The following ATXN1 variants were observed in gnomAD, a reference collection of about 807,000 sequenced individuals.
The protein encoded by ATXN1 is ataxin 1, also known as ataxin-1.
In ATXN1, 8 loss-of-function variants were observed where a neutral mutation model predicts 56.4. That is an observed-to-expected ratio of 0.14 (90% CI 0.08 to 0.26). ATXN1 has a LOEUF of 0.26. Among genes scored for constraint, ATXN1 ranks in the 10% least tolerant of loss-of-function variants. The probability of loss-of-function intolerance (pLI) is 1.00; values close to 1 mark genes in which losing one functional copy is unlikely to be tolerated. For missense variants in ATXN1, 987 were observed against 1,106.5 expected (o/e 0.89, Z 1.53); for synonymous variants, 514 against 494.6 (o/e 1.04, Z -0.52).
intron 6 of ATXN1, among the ~76,000 whole-genome samples, chr6:16,358,719 C>G (rs1466467312): frequency 2.6e-5 from 4 of 152,196 alleles, no homozygotes; most frequent in Non-Finnish European, 5.9e-5. Flanking sequence ...ACCCAGGCCT[C>G]CTGCTCCACA....
chr6:16,388,709 C>T (rs1454313401), intron 6 of ATXN1, among the ~76,000 whole-genome samples: 1 of 152,160 alleles, frequency 6.6e-6, no homozygotes, highest in Non-Finnish European at 1.5e-5. Context: ...CACAGCCCAG[C>T]TAGTGGAATG....
Position 16,326,983 on chromosome 6 carries a change from G to A in ATXN1, c.1328C>T (p.Pro443Leu), listed in dbSNP as rs754259000. The A allele has an allele frequency of 1.2e-6, 2 of 1,614,198 alleles. No individual in the cohort carries two copies. Among genetic ancestry groups the A allele is most frequent in the South Asian group, 1.1e-5 (1 of 91,082 alleles). ...VIQTTHSASE[P>L]LPVGLPATAF... ...CGTGGCTGGCAGTCCCACCGGGAGT[G>A]GCTCTGAAGCACTGTGTGTGGTCTG... The change falls in exon 7 of 8, where the codon CCA becomes CTA. Residue 443 changes from proline to leucine, a missense_variant. By Grantham distance (98) the Pro-to-Leu change is moderately conservative. Around this residue, in one of 3 missense-constraint regions of ATXN1, gnomAD observed 723 missense variants for 791.7 expected, o/e 0.91. Coordinates refer to ENST00000436367, the MANE Select transcript of ATXN1 (RefSeq NM_001128164.2). This position sits in a 1 kb window ranked among gnomAD's most constrained non-coding sequence, Gnocchi z 6.6.
chr6:16,576,519 G>T (rs566243705), intron 4 of ATXN1, among the ~76,000 whole-genome samples: 1 of 152,314 alleles, frequency 6.6e-6, no homozygotes, highest in Non-Finnish European at 1.5e-5. Context: ...CTGTTAATAT[G>T]TAACTCCTAC....
chr6:16,684,870 A>ATCC (rs1462362864), intron 2 of ATXN1, among the ~76,000 whole-genome samples: 1 of 151,438 alleles, frequency 6.6e-6, no homozygotes, highest in Non-Finnish European at 1.5e-5. Context: ...TTTTTGAAGA[A>ATCC]TTAAGGATTC....
chr6:16,489,393 C>T (rs1446685128), intron 5 of ATXN1, among the ~76,000 whole-genome samples: 1 of 152,096 alleles, frequency 6.6e-6, no homozygotes, highest in African/African-American at 2.4e-5. Flanking sequence ...TGTGTCAGCC[C>T]TCCACAAACT....
intron 2 of ATXN1, among the ~76,000 whole-genome samples, chr6:16,714,300 C>T (rs1396252546): frequency 6.6e-6 from 1 of 151,856 alleles, no homozygotes; most frequent in East Asian, 1.9e-4. Flanking sequence ...GGAGGTAGGC[C>T]GCCCATCACT....
At chr6:16,736,906 A>C (rs1275346847) in intron 2 of ATXN1, 1 of 152,264 alleles carries the variant, frequency 6.6e-6, no homozygotes, top group Non-Finnish European at 1.5e-5. Context: ...ACAAGGCAAA[A>C]ACTTTCAGTC....
At chr6:16,714,819 G>A (rs1250501933) in intron 2 of ATXN1, among the ~76,000 whole-genome samples, 1 of 152,044 alleles carries the variant, frequency 6.6e-6, no homozygotes, top group Non-Finnish European at 1.5e-5. Flanking sequence ...TTTACTCAAG[G>A]TGAATTCTTA....
intron 6 of ATXN1, among the ~76,000 whole-genome samples, chr6:16,360,389 ATTATT>A (rs1761784552): frequency 6.6e-6 from 1 of 152,186 alleles, no homozygotes; most frequent in Non-Finnish European, 1.5e-5. Flanking sequence ...AATTTGCATT[ATTATT>A]TTATTTTTAA....
chr6:16,457,501 C>A (rs1412066562), intron 6 of ATXN1, among the ~76,000 whole-genome samples: 3 of 152,006 alleles, frequency 2.0e-5, no homozygotes, highest in Non-Finnish European at 4.4e-5. Context: ...TCCCGCAAAC[C>A]CTGAAAAAGA....
chr6:16,327,997 G>A lies in ATXN1; in HGVS notation c.314C>T (p.Ala105Val), dbSNP rs781297445. 1.4e-5 allele frequency: 22 copies of A among 1,613,504 alleles called. No individual in the cohort carries two copies. The highest frequency in any genetic ancestry group is 1.3e-4 in the Admixed American group (8 of 59,986). The change falls in exon 7 of 8, where the codon GCG (alanine) becomes GTG (valine). Residue 105 changes from alanine (A) to valine (V), a missense_variant. By Grantham distance (64) the Ala-to-Val change is moderately conservative (BLOSUM62 0). This residue lies in a region of ATXN1 where 723 missense variants were observed against 791.7 expected (regional missense o/e 0.91). Coordinates refer to ENST00000436367, the MANE Select transcript of ATXN1 (RefSeq NM_001128164.2). ...SVPVATTLPA[A>V]YATPQPGTPV... ...GGTCCCTGGCTGCGGGGTGGCGTAC[G>A]CGGCAGGCAGCGTGGTGGCCACGGG...
chr6:16,303,511 T>G lies in ATXN1; in HGVS notation c.*2818A>C, dbSNP rs1277425198. 4 of 152,662 alleles carry G rather than the reference T, an allele frequency of 2.6e-5. No homozygotes were observed. The highest frequency in any genetic ancestry group is 5.9e-5 in the Non-Finnish European group (4 of 68,080). The allele number at this position is 152,662 out of a possible 1,614,324, so 9.5% of individuals were successfully genotyped here. Reference sequence around the variant, plus strand: ...GCCAAAAGGGAATGAGCTTTAACTATATAGCACACTGGTCAGACTCTATTG... The same window carrying G: ...GCCAAAAGGGAATGAGCTTTAACTAGATAGCACACTGGTCAGACTCTATTG... On this transcript the variant is annotated 3_prime_UTR_variant, in exon 8 of 8. Transcript: ENST00000436367. This position sits in a 1 kb window ranked among gnomAD's most constrained non-coding sequence, Gnocchi z 4.3.
chr6:16,646,625 C>A (rs914613967), intron 3 of ATXN1, among the ~76,000 whole-genome samples: 1 of 152,388 alleles, frequency 6.6e-6, no homozygotes, highest in East Asian at 1.9e-4. Context: ...CCCTTCTCCA[C>A]ACCTTTGGGC....
rs112175731 is a variant in ATXN1, at chr6:16,347,318, A to C, written c.-160-18848T>G. Among the ~76,000 whole-genome samples, 281 of 152,372 alleles carry C rather than the reference A, an allele frequency of 1.8e-3. 4 individuals are homozygous for C. Among genetic ancestry groups the C allele is most frequent in the African/African-American group, 6.2e-3 (258 of 41,584 alleles). ...GCTCCTGAGTCTGGTGGGGCCTTGG[A>C]GAACCTTTATGTCTAGCTAAGGGAT... On this transcript the variant is annotated intron_variant, in intron 6 of 7. Transcript: ENST00000436367.
intron 6 of ATXN1, among the ~76,000 whole-genome samples, chr6:16,451,951 T>G (rs1379205251): frequency 6.6e-6 from 1 of 152,202 alleles, no homozygotes; most frequent in Non-Finnish European, 1.5e-5. Flanking sequence ...AAGTTTCCTC[T>G]GCATATAGAA....
intron 2 of ATXN1, among the ~76,000 whole-genome samples, chr6:16,748,859 A>C (rs953253294): frequency 8.5e-5 from 13 of 152,160 alleles, no homozygotes; most frequent in Non-Finnish European, 1.6e-4. Flanking sequence ...AAAAAAAAAA[A>C]CCACAACTTA....
At chr6:16,696,217 G>T (rs1759162320) in intron 2 of ATXN1, among the ~76,000 whole-genome samples, 1 of 152,124 alleles carries the variant, frequency 6.6e-6, no homozygotes, top group African/African-American at 2.4e-5. Flanking sequence ...GATTTTATCA[G>T]ATTGATTATC....
At chr6:16,744,640 A>T (rs183782809) in intron 2 of ATXN1, among the ~76,000 whole-genome samples, 24 of 152,270 alleles carry the variant, frequency 1.6e-4, no homozygotes, top group Admixed American at 1.4e-3. Context: ...AGAAGGGGAA[A>T]GGGGCCCTTG....
intron 6 of ATXN1, among the ~76,000 whole-genome samples, chr6:16,330,925 G>A (rs1760972898): frequency 1.3e-5 from 2 of 151,986 alleles, no homozygotes; most frequent in South Asian, 2.1e-4. Context: ...GAAAAATAAG[G>A]TTAAAAAAAC....
Sources: gnomAD v4.1 joint callset for allele counts (sites outside exome capture counted in the v4.1 genomes callset) on GRCh38, gnomAD v4.1.1 for gene constraint, gnomAD v4.1.1 regional missense constraint, Gnocchi (gnomAD v3.1) non-coding constraint, MANE v1.5 for transcripts, NCBI Gene and HGNC (gene_info 2026-07-23, HGNC 2026-07-21) for gene names.